KIF26B: variants seen among roughly 807,000 people sequenced by gnomAD.
The protein encoded by KIF26B is kinesin family member 26B.
A neutral mutation model predicts 151.2 loss-of-function variants in KIF26B; 63 were observed. The ratio of observed to expected loss-of-function variants is 0.42; its 90% CI spans 0.34 to 0.51. The LOEUF (loss-of-function observed/expected upper bound fraction) is 0.51. Among genes scored for constraint, KIF26B ranks in the 20% least tolerant of loss-of-function variants. KIF26B has a pLI of 0.07. For missense variants in KIF26B, 2,813 were observed against 2,913.6 expected (o/e 0.97, Z 0.79); for synonymous variants, 1,357 against 1,262.1 (o/e 1.08, Z -1.59).
chr1:245,303,134 C>T (rs1573762798), intron 2 of KIF26B, among the ~76,000 whole-genome samples: 1 of 150,268 alleles, frequency 6.7e-6, no homozygotes, highest in Non-Finnish European at 1.5e-5. Context: ...CATTTCTTTA[C>T]TTTGCTGCAC....
At chr1:245,441,005 A>G (rs942587422) in intron 4 of KIF26B, among the ~76,000 whole-genome samples, 1 of 152,244 alleles carries the variant, frequency 6.6e-6, no homozygotes, top group Admixed American at 6.5e-5. Context: ...AGGAGGCAAG[A>G]CAGGAAGGTA....
chr1:245,632,517 A>G (rs2043791785), intron 9 of KIF26B, among the ~76,000 whole-genome samples: 1 of 152,228 alleles, frequency 6.6e-6, no homozygotes, highest in Admixed American at 6.5e-5. Context: ...AATGCTCTCT[A>G]AATATCTGTT....
intron 3 of KIF26B, among the ~76,000 whole-genome samples, chr1:245,407,353 T>G (rs1185893355): frequency 4.6e-5 from 7 of 152,228 alleles, no homozygotes; most frequent in African/African-American, 1.7e-4. Flanking sequence ...GGCTGTCGCA[T>G]CTCACACTCA....
intron 4 of KIF26B, among the ~76,000 whole-genome samples, chr1:245,420,209 C>A (rs575804550): frequency 2.2e-4 from 34 of 152,198 alleles, no homozygotes; most frequent in Non-Finnish European, 4.4e-4. Flanking sequence ...CAGGTTTTCT[C>A]CCCCGCTTCT....
At chr1:245,444,830 C>T (rs551656088) in intron 4 of KIF26B, among the ~76,000 whole-genome samples, 3 of 152,322 alleles carry the variant, frequency 2.0e-5, no homozygotes, top group African/African-American at 7.2e-5. Flanking sequence ...TGAAACCATG[C>T]TGTGACATGA....
chr1:245,560,433 T>C lies in KIF26B; in HGVS notation c.1350+19483T>C, dbSNP rs1188613658. On this transcript the variant is annotated intron_variant, in intron 5 of 14. Transcript: ENST00000407071. The surrounding 1 kb of genome is among the most constrained non-coding windows in gnomAD (Gnocchi z 4.3). ...GAGATAAAAATGTACCTTATGGTAT[T>C]ACTTTATTTTAATTCTGCCATGACA... Among the ~76,000 whole-genome samples, 1 of 152,164 alleles carries C rather than the reference T, an allele frequency of 6.6e-6. No homozygotes were observed. The highest frequency in any genetic ancestry group is 2.4e-5 in the African/African-American group (1 of 41,440).
At position 245,155,408 on chromosome 1, in the gene KIF26B, C is replaced by T. The variant is rs372845660; in HGVS notation, c.-17C>T. 1.8e-5 allele frequency: 29 copies of T among 1,603,858 alleles called. 1 individual carries two copies. Among genetic ancestry groups the T allele is most frequent in the South Asian group, 1.3e-4 (12 of 89,180 alleles). On this transcript the variant is annotated 5_prime_UTR_variant, in exon 1 of 15. Coordinates refer to ENST00000407071, the MANE Select transcript of KIF26B (RefSeq NM_018012.4). ...CGTCGGTGGAACCTTTAGATACTCT[C>T]CTCTGGAAAAGCCACCATGAATTCG... is the stretch of plus-strand genomic sequence containing the variant.
At chr1:245,689,633 C>T (rs1221931056) in intron 12 of KIF26B, among the ~76,000 whole-genome samples, 1 of 152,218 alleles carries the variant, frequency 6.6e-6, no homozygotes, top group African/African-American at 2.4e-5. Context: ...TCTTGCCAAA[C>T]TGCAACCTCT....
chr1:245,400,169 A>G (rs1673959815), intron 3 of KIF26B, among the ~76,000 whole-genome samples: 2 of 152,212 alleles, frequency 1.3e-5, no homozygotes, highest in African/African-American at 2.4e-5. Context: ...AATTTTATAT[A>G]GAAGATATTT....
chr1:245,217,047 G>C (rs12404524), intron 2 of KIF26B, among the ~76,000 whole-genome samples: 10,982 of 152,252 alleles, frequency 0.072, 507 homozygotes, highest in Middle Eastern at 0.15. Context: ...CCCGCCCACA[G>C]GGAAGGATAT....
chr1:245,686,554 A>G lies in KIF26B; in HGVS notation c.3571A>G (p.Thr1191Ala), dbSNP rs1016939655. 8 of 1,612,968 alleles carry G rather than the reference A, an allele frequency of 5.0e-6. No homozygotes were observed. Among genetic ancestry groups the G allele is most frequent in the Non-Finnish European group, 6.8e-6 (8 of 1,179,832 alleles). ...GAACGGTGAGGACGAGCTGGTGTTC[A>G]CGCTGGTGGAGGAGCTGACCATCAG... Reference protein sequence around the residue: ...ELNGEDELVFTLVEELTISGV... With the variant: ...ELNGEDELVFALVEELTISGV... The change falls in exon 12 of 15, where the codon ACG (threonine) becomes GCG (alanine). Residue 1191 changes from threonine to alanine, a missense_variant. Transcript: ENST00000407071. This position sits in a 1 kb window ranked among gnomAD's most constrained non-coding sequence, Gnocchi z 5.6.
At position 245,667,263 on chromosome 1, in the gene KIF26B, G is replaced by C. The variant is rs1609836; in HGVS notation, c.2259-16970G>C. On this transcript the variant is annotated intron_variant, in intron 10 of 14. Coordinates refer to ENST00000407071, the MANE Select transcript of KIF26B (RefSeq NM_018012.4). This position sits in a 1 kb window ranked among gnomAD's most constrained non-coding sequence, Gnocchi z 4.3. ...CGATCTCGGCTCACTGCAGCCTTAA[G>C]CTCCTGGGCTCAAGCTATCCTCCTG... 0.65 allele frequency among the ~76,000 whole-genome samples: 99,401 copies of C among 152,044 alleles called. 33,651 individuals are homozygous for C. The highest frequency in any genetic ancestry group is 0.82 in the African/African-American group (34,003 of 41,482).
chr1:245,619,400 C>T (rs1218393130), intron 9 of KIF26B, among the ~76,000 whole-genome samples: 1 of 152,250 alleles, frequency 6.6e-6, no homozygotes, highest in Non-Finnish European at 1.5e-5. Flanking sequence ...CCCACCTCGG[C>T]CAGCCTGGCC....
In KIF26B at chr1:245,562,904, C is replaced by G. The variant is rs997617193; in HGVS notation, c.1350+21954C>G. The stretch of plus-strand genomic sequence containing the variant: ...TGTGTTATTCTTTGTAAGAGATGGG[C>G]TCTCACTGTGTTGCTGAGGCTGGTC... On this transcript the variant is annotated intron_variant, in intron 5 of 14. Transcript: ENST00000407071. Among the ~76,000 whole-genome samples the G allele has an allele frequency of 4.6e-5, 7 of 152,086 alleles. No individual in the cohort carries two copies. In the South Asian group the frequency reaches 6.3e-4, roughly 14 times the overall value.
At chr1:245,677,033 A>G (rs768998394) in intron 10 of KIF26B, among the ~76,000 whole-genome samples, 7 of 152,214 alleles carry the variant, frequency 4.6e-5, no homozygotes, top group African/African-American at 1.7e-4. Context: ...CTTGCACCTC[A>G]GGGTTCTACA....
chr1:245,650,030 G>A (rs1044701831), intron 10 of KIF26B, among the ~76,000 whole-genome samples: 2 of 152,280 alleles, frequency 1.3e-5, no homozygotes, highest in African/African-American at 2.4e-5. Flanking sequence ...ACATTACATG[G>A]CACAGGCTTG....
intron 5 of KIF26B, among the ~76,000 whole-genome samples, chr1:245,567,232 G>C (rs538837774): frequency 1.3e-5 from 2 of 152,172 alleles, no homozygotes; most frequent in African/African-American, 4.8e-5. Context: ...AGATGCTGCC[G>C]GGTGGACTGT....
intron 5 of KIF26B, among the ~76,000 whole-genome samples, chr1:245,577,733 CGGGCG>C: frequency 7.3e-6 from 1 of 137,440 alleles, no homozygotes; most frequent in African/African-American, 2.8e-5. Context: ...TGTGGAACTC[CGGGCG>C]ATGCATCTCC....
At chr1:245,675,142 C>G (rs1290893097) in intron 10 of KIF26B, among the ~76,000 whole-genome samples, 1 of 152,322 alleles carries the variant, frequency 6.6e-6, no homozygotes, top group East Asian at 1.9e-4. Context: ...AAAAGGGACG[C>G]TTCCATTGTC....
Sources: gnomAD v4.1 joint callset for allele counts (sites outside exome capture counted in the v4.1 genomes callset) on GRCh38, gnomAD v4.1.1 for gene constraint, Gnocchi (gnomAD v3.1) non-coding constraint, MANE v1.5 for transcripts, NCBI Gene and HGNC (gene_info 2026-07-23, HGNC 2026-07-21) for gene names.